DIP2C: variants seen among roughly 807,000 people sequenced by gnomAD.
The protein encoded by DIP2C is DIP2 acetate--CoA ligase C (putative).
Under a neutral mutation model 192.4 loss-of-function variants are expected in DIP2C, and 33 were observed. The ratio of observed to expected loss-of-function variants is 0.17; its 90% CI spans 0.13 to 0.23. DIP2C has a LOEUF of 0.23. Ranked by LOEUF, DIP2C falls within the 10% of genes least tolerant of loss-of-function variation. The pLI, the probability that DIP2C is intolerant of heterozygous loss-of-function variation, is 1.00. For synonymous variants in DIP2C, 979 were observed against 864.1 expected, an observed-to-expected ratio of 1.13 and a Z score of -2.33; for missense variants, 1,537 against 2,110.1, an observed-to-expected ratio of 0.73 and a Z score of 5.32.
intron 1 of DIP2C, among the ~76,000 whole-genome samples, chr10:504,343 G>T (rs929885195): frequency 6.6e-6 from 1 of 152,006 alleles, no homozygotes; most frequent in Non-Finnish European, 1.5e-5. Flanking sequence ...CCATGCAGGC[G>T]TGCCGAGGCT....
intron 1 of DIP2C, among the ~76,000 whole-genome samples, chr10:532,179 G>A (rs1314269107): frequency 6.6e-6 from 1 of 152,144 alleles, no homozygotes; most frequent in South Asian, 2.1e-4. Flanking sequence ...CTGTGGATTT[G>A]TATTGCATGG....
intron 14 of DIP2C, 86 bp downstream of exon 14, chr10:387,659 A>G (rs536161331): frequency 2.2e-5 from 18 of 827,146 alleles, no homozygotes; most frequent in African/African-American, 2.8e-5. Flanking sequence ...GACAGACAGT[A>G]TGGGGAGGGG....
intron 4 of DIP2C, among the ~76,000 whole-genome samples, chr10:436,487 G>A (rs560170070): frequency 1.3e-5 from 2 of 152,118 alleles, no homozygotes; most frequent in African/African-American, 4.8e-5. Flanking sequence ...GCCCACACCA[G>A]AGCTCTCTCC....
chr10:338,313 G>T (rs1256143056), intron 29 of DIP2C, among the ~76,000 whole-genome samples: 3 of 152,180 alleles, frequency 2.0e-5, no homozygotes, highest in Non-Finnish European at 4.4e-5. Flanking sequence ...CCACAATAGT[G>T]TGCAGTCGTG....
intron 31 of DIP2C, among the ~76,000 whole-genome samples, chr10:321,031 A>G (rs1172218908): frequency 4.0e-5 from 6 of 148,748 alleles, no homozygotes; most frequent in Admixed American, 4.0e-4. Context: ...GAAAGACTGC[A>G]TGAGAAAGTG....
chr10:301,193 T>C (rs1956028678), intron 32 of DIP2C, among the ~76,000 whole-genome samples: 1 of 152,176 alleles, frequency 6.6e-6, no homozygotes, highest in Non-Finnish European at 1.5e-5. Flanking sequence ...ACCCAGACCC[T>C]CTGAGGTGTT....
chr10:662,443 C>T (rs1188999469), intron 1 of DIP2C, among the ~76,000 whole-genome samples: 1 of 152,200 alleles, frequency 6.6e-6, no homozygotes, highest in Admixed American at 6.5e-5. Context: ...GCCCTATTGG[C>T]GCACAGGCAG....
chr10:426,602 C>G (rs753508641), intron 4 of DIP2C, among the ~76,000 whole-genome samples: 1 of 152,182 alleles, frequency 6.6e-6, no homozygotes, highest in Non-Finnish European at 1.5e-5. Context: ...GATTTCAAAA[C>G]TTTACATAAA....
At chr10:568,223 A>C (rs1849560322) in intron 1 of DIP2C, among the ~76,000 whole-genome samples, 1 of 152,128 alleles carries the variant, frequency 6.6e-6, no homozygotes, top group Non-Finnish European at 1.5e-5. Context: ...CACACACCTC[A>C]AACACCTCTC....
At chr10:346,272 C>T (rs1216346861) in intron 26 of DIP2C, among the ~76,000 whole-genome samples, 1 of 56,192 alleles carries the variant, frequency 1.8e-5, no homozygotes, top group Non-Finnish European at 3.3e-5. Flanking sequence ...CACACCCAAC[C>T]CAGACACATC....
intron 19 of DIP2C, 102 bp from the exon 20 acceptor site, chr10:364,684 G>GC: frequency 3.1e-6 from 4 of 1,306,852 alleles, no homozygotes; most frequent in Non-Finnish European, 4.2e-6. Flanking sequence ...CTTAAGCTCT[G>GC]CCTTTCACCC....
At chr10:466,631 AC>A (rs1970222172) in intron 3 of DIP2C, among the ~76,000 whole-genome samples, 1 of 146,272 alleles carries the variant, frequency 6.8e-6, no homozygotes, top group Non-Finnish European at 1.5e-5. Flanking sequence ...AATTTTCACA[AC>A]CTACTCATCT....
intron 1 of DIP2C, among the ~76,000 whole-genome samples, chr10:590,040 A>C (rs374380267): frequency 1.3e-5 from 2 of 152,262 alleles, no homozygotes; most frequent in East Asian, 1.9e-4. Context: ...GAAAGGTAGG[A>C]GTGGTTTCCA....
rs559818019 is a variant in DIP2C, at chr10:469,087, T to A, written c.268+3352A>T. Among the ~76,000 whole-genome samples, 5 of 152,126 alleles carry A rather than the reference T, an allele frequency of 3.3e-5. No homozygotes were observed. The South Asian group carries it at 1.0e-3, about 32-fold the overall frequency. ...TCTGTGCAGGTGCATAACTAGGACATCTCGGATTCACCCTGGGAGCAGAAT... is the reference window on the plus strand; with the variant it reads ...TCTGTGCAGGTGCATAACTAGGACAACTCGGATTCACCCTGGGAGCAGAAT... On this transcript the variant is annotated intron_variant, in intron 3 of 36. Coordinates refer to ENST00000280886, the MANE Select transcript of DIP2C (RefSeq NM_014974.3).
chr10:577,809 TTTTG>T (rs1021602694), intron 1 of DIP2C, among the ~76,000 whole-genome samples: 8 of 147,580 alleles, frequency 5.4e-5, no homozygotes, highest in African/African-American at 1.1e-4. Context: ...GTTTTGTTTC[TTTTG>T]TTTTTTTGTG....
chr10:354,568 C>T (rs1958983239), intron 24 of DIP2C, among the ~76,000 whole-genome samples: 1 of 152,120 alleles, frequency 6.6e-6, no homozygotes, highest in African/African-American at 2.4e-5. Context: ...CCATCAATAC[C>T]TCTAGATTAC....
chr10:667,085 G>A (rs1857142917), intron 1 of DIP2C: 2 of 152,350 alleles, frequency 1.3e-5, no homozygotes, highest in Non-Finnish European at 2.9e-5. Context: ...CAGGTGCGGT[G>A]GTTCATGCCT....
intron 1 of DIP2C, among the ~76,000 whole-genome samples, chr10:688,541 A>G (rs775228649): frequency 2.0e-5 from 3 of 152,140 alleles, no homozygotes; most frequent in Non-Finnish European, 4.4e-5. Context: ...CTCCAAATAT[A>G]AATGTGAGAC....
At chr10:471,491 G>C (rs888920749) in intron 3 of DIP2C, among the ~76,000 whole-genome samples, 1 of 152,038 alleles carries the variant, frequency 6.6e-6, no homozygotes, top group Non-Finnish European at 1.5e-5. Flanking sequence ...TTTTTCTTCT[G>C]ACACAGAAGA....
Sources: gnomAD v4.1 joint callset for allele counts (sites outside exome capture counted in the v4.1 genomes callset) on GRCh38, gnomAD v4.1.1 for gene constraint, MANE v1.5 for transcripts, NCBI Gene and HGNC (gene_info 2026-07-23, HGNC 2026-07-21) for gene names.